Variants in STXBP5 observed in about 807,000 individuals in gnomAD.
The protein encoded by STXBP5 is syntaxin-binding protein 5.
A neutral mutation model predicts 152.4 loss-of-function variants in STXBP5; 50 were observed. The observed-to-expected ratio is 0.33, with a 90% CI of 0.26 to 0.42. The LOEUF is 0.42. STXBP5 is among the 10% of genes least tolerant of loss of function. The pLI, the probability that STXBP5 is intolerant of heterozygous loss-of-function variation, is 1.00. For synonymous variants in STXBP5, 492 were observed against 494.7 expected, an observed-to-expected ratio of 0.99 and a Z score of 0.07; for missense variants, 1,167 against 1,388.6, an observed-to-expected ratio of 0.84 and a Z score of 2.54.
chr6:147,248,295 AAAAC>A (rs1778913376), intron 4 of STXBP5, among the ~76,000 whole-genome samples: 1 of 152,022 alleles, frequency 6.6e-6, no homozygotes, highest in Non-Finnish European at 1.5e-5. Context: ...AAAAAAAAAA[AAAAC>A]TACTTAGCTC....
chr6:147,280,618 A>G (rs1780657054), intron 8 of STXBP5, among the ~76,000 whole-genome samples: 1 of 152,118 alleles, frequency 6.6e-6, no homozygotes, highest in Non-Finnish European at 1.5e-5. Context: ...TGAATTCACT[A>G]TTACTGTGAT....
Position 147,359,069 on chromosome 6 carries a change from T to A in STXBP5, c.2306-15T>A. 6.2e-7 allele frequency: 1 copy of A among 1,609,346 alleles called. No homozygotes were observed. Among genetic ancestry groups the A allele is most frequent in the Non-Finnish European group, 8.5e-7 (1 of 1,176,788 alleles). On this transcript the variant is annotated splice_polypyrimidine_tract_variant and intron_variant, in intron 22 of 27. Transcript: ENST00000321680. ...TATAACTTGAGCAATCTCACAACAT[T>A]TTTAACCATTTCAGATGTAAAGGAT...
At chr6:147,383,086 A>G in intron 27 of STXBP5, 88 bp downstream of exon 27, 1 of 1,437,768 alleles carries the variant, frequency 7.0e-7, no homozygotes, top group Non-Finnish European at 9.5e-7. Flanking sequence ...TTGTATTTCT[A>G]CACCCATGAA....
At chr6:147,225,200 A>G (rs1582808324) in intron 2 of STXBP5, among the ~76,000 whole-genome samples, 1 of 152,124 alleles carries the variant, frequency 6.6e-6, no homozygotes. Flanking sequence ...TTCTTGGTTT[A>G]GTAGGAGAAT....
intron 17 of STXBP5, 62 bp from the exon 18 acceptor site, chr6:147,327,063 G>GT: frequency 6.8e-7 from 1 of 1,481,400 alleles, no homozygotes; most frequent in Non-Finnish European, 9.3e-7. Flanking sequence ...CTTATAGACT[G>GT]TAGTACATTT....
At chr6:147,354,107 T>C (rs1322329698) in intron 22 of STXBP5, among the ~76,000 whole-genome samples, 4 of 152,286 alleles carry the variant, frequency 2.6e-5, no homozygotes, top group Non-Finnish European at 2.9e-5. Context: ...TTCACCCACC[T>C]CTATCTTAGA....
At chr6:147,253,183 C>A (rs1779184942) in intron 4 of STXBP5, among the ~76,000 whole-genome samples, 1 of 152,260 alleles carries the variant, frequency 6.6e-6, no homozygotes, top group Middle Eastern at 3.4e-3. Context: ...AGTAATCCAT[C>A]ACATAAACAG....
intron 4 of STXBP5, among the ~76,000 whole-genome samples, chr6:147,246,800 C>T (rs2115253543): frequency 6.6e-6 from 1 of 152,230 alleles, no homozygotes; most frequent in Admixed American, 6.5e-5. Context: ...TTCATGTTCA[C>T]AGTCCTCTCA....
In STXBP5 at chr6:147,278,141, G is replaced by A; in HGVS notation, c.775G>A (p.Gly259Ser). Reference sequence around the variant, plus strand: ...ACAATTTATTTGCAGTCATTCAGATGGCACCTTGACTATATGGAATGTAAG... The same window carrying A: ...ACAATTTATTTGCAGTCATTCAGATAGCACCTTGACTATATGGAATGTAAG... ...GKQFICSHSD[G>S]TLTIWNVRSP... The change falls in exon 8 of 28, where the codon GGC (glycine) becomes AGC (serine). Residue 259 changes from glycine to serine, a missense_variant. Physicochemically the swap from Gly to Ser is moderately conservative, Grantham distance 56. Around this residue, in one of 3 missense-constraint regions of STXBP5, gnomAD observed 310 missense variants for 346.1 expected, o/e 0.90. Transcript: ENST00000321680. 1 of 1,612,772 alleles carries A rather than the reference G, an allele frequency of 6.2e-7. No individual in the cohort carries two copies. The highest frequency in any genetic ancestry group is 8.5e-7 in the Non-Finnish European group (1 of 1,179,110).
intron 4 of STXBP5, among the ~76,000 whole-genome samples, chr6:147,244,586 T>G (rs1334506978): frequency 1.3e-5 from 2 of 152,370 alleles, no homozygotes; most frequent in East Asian, 3.9e-4. Flanking sequence ...AAATGTTTTG[T>G]GAATTTTGTT....
At chr6:147,245,740 A>T (rs1015888341) in intron 4 of STXBP5, among the ~76,000 whole-genome samples, 1 of 152,324 alleles carries the variant, frequency 6.6e-6, no homozygotes, top group South Asian at 2.1e-4. Context: ...CCACATAAGA[A>T]GAGTTGAAGA....
At chr6:147,332,303 CACTT>C (rs995691797) in intron 18 of STXBP5, among the ~76,000 whole-genome samples, 1 of 152,148 alleles carries the variant, frequency 6.6e-6, no homozygotes, top group African/African-American at 2.4e-5. Flanking sequence ...AAGAGACACA[CACTT>C]AAGAAGATAA....
rs150945099 is a variant in STXBP5 at position 147,367,409 on chromosome 6, C to T, written c.3081+3243C>T. On this transcript the variant is annotated intron_variant, in intron 25 of 27. Coordinates refer to ENST00000321680, the MANE Select transcript of STXBP5 (RefSeq NM_001127715.4). The stretch of plus-strand genomic sequence containing the variant: ...ATCCCAGCACTTTGGGAGGCCGAGG[C>T]GGGTGGATCACAAGGTCAGGAGATC... 1.6e-4 allele frequency among the ~76,000 whole-genome samples: 24 copies of T among 152,174 alleles called. 1 individual carries two copies. The highest frequency in any genetic ancestry group is 3.4e-3 in the Middle Eastern group (1 of 294).
At chr6:147,331,805 TAA>T (rs758010688) in intron 18 of STXBP5, among the ~76,000 whole-genome samples, 9 of 115,392 alleles carry the variant, frequency 7.8e-5, no homozygotes, top group African/African-American at 1.2e-4. Flanking sequence ...TTCTACCAGT[TAA>T]AAAAAAAAAA....
intron 25 of STXBP5, 58 bp from the exon 26 acceptor site, chr6:147,373,673 T>A: frequency 7.9e-7 from 1 of 1,261,998 alleles, no homozygotes; most frequent in Non-Finnish European, 1.2e-6. Flanking sequence ...ATACTTTTGT[T>A]CATTATAGTT....
intron 22 of STXBP5, among the ~76,000 whole-genome samples, chr6:147,358,314 C>A (rs982811532): frequency 1.2e-4 from 19 of 152,008 alleles, no homozygotes; most frequent in African/African-American, 4.1e-4. Context: ...ACATTTGTCA[C>A]ACTCTACCAG....
At chr6:147,325,134 GT>G (rs1376458649) in intron 17 of STXBP5, 50 bp downstream of exon 17, 14 of 1,350,086 alleles carry the variant, frequency 1.0e-5, no homozygotes, top group Non-Finnish European at 1.3e-5. Context: ...TATTCCATAT[GT>G]CATTTTGTTT....
intron 4 of STXBP5, among the ~76,000 whole-genome samples, chr6:147,242,157 C>T (rs1430296887): frequency 6.9e-6 from 1 of 145,666 alleles, no homozygotes; most frequent in Non-Finnish European, 1.5e-5. Flanking sequence ...ATGTGTGTGA[C>T]TGTGTCTTAG....
chr6:147,251,050 A>G (rs1030286650), intron 4 of STXBP5, among the ~76,000 whole-genome samples: 4 of 151,712 alleles, frequency 2.6e-5, no homozygotes, highest in African/African-American at 9.7e-5. Context: ...AGATCAACAC[A>G]GAAGGGAGGT....
Sources: allele counts gnomAD v4.1 joint callset (sites outside exome capture counted in the v4.1 genomes callset), GRCh38; gene constraint gnomAD v4.1.1; regional missense constraint gnomAD v4.1.1; transcripts MANE v1.5; gene names NCBI Gene and HGNC (gene_info 2026-07-23, HGNC 2026-07-21).